Variants in TMEM132D observed in about 807,000 individuals in gnomAD.
The protein encoded by TMEM132D is transmembrane protein 132D.
A neutral mutation model predicts 62.3 loss-of-function variants in TMEM132D; 21 were observed. The observed-to-expected ratio is 0.34, with a 90% CI of 0.24 to 0.49. The LOEUF is 0.49. Among genes scored for constraint, TMEM132D ranks in the 20% least tolerant of loss-of-function variants. The pLI is 0.99. For missense variants in TMEM132D, 1,346 were observed against 1,402.8 expected (o/e 0.96, Z 0.65); for synonymous variants, 621 against 575.6 (o/e 1.08, Z -1.13).
intron 3 of TMEM132D, among the ~76,000 whole-genome samples, chr12:129,456,784 T>A (rs12310811): frequency 0.17 from 26,146 of 152,198 alleles, 2,287 homozygotes; most frequent in Middle Eastern, 0.24. Context: ...ATCTCTCGGG[T>A]TCCTGGTTTT....
rs73420199 is a variant in TMEM132D at position 129,276,240 on chromosome 12, T to C, written c.1299+61394A>G. ...TTCTTCCACGTGGAATTTCTCTTCG[T>C]ATTATTACCCAAAGATAAAACGCTT... On this transcript the variant is annotated intron_variant, in intron 4 of 8. Coordinates refer to ENST00000422113, the MANE Select transcript of TMEM132D (RefSeq NM_133448.3). Among the ~76,000 whole-genome samples, 836 of 152,318 alleles carry C rather than the reference T, an allele frequency of 5.5e-3. 18 individuals carry two copies. The highest frequency in any genetic ancestry group is 0.018 in the African/African-American group (764 of 41,578).
At chr12:129,677,664 T>A (rs961349116) in intron 2 of TMEM132D, among the ~76,000 whole-genome samples, 1 of 152,098 alleles carries the variant, frequency 6.6e-6, no homozygotes. Context: ...AGAAATTCCA[T>A]ATCATATATG....
In TMEM132D at chr12:129,251,357, CAAAAAAAAAAAAAAA is replaced by C. The variant is rs59666716; in HGVS notation, c.1300-41709_1300-41695del. Among the ~76,000 whole-genome samples the C allele has an allele frequency of 1.9e-4, 15 of 79,782 alleles. No homozygotes were observed. In the East Asian group the frequency reaches 4.9e-3, roughly 26 times the overall value. 52.3% of individuals were successfully genotyped at this position (79,782 alleles called of 152,430 possible). ...CTGGCGACAGAGTGAGACACTGTCT[CAAAAAAAAAAAAAAA>C]AAAAAAAAAAAGAAGAGAGAAAAGG... On this transcript the variant is annotated intron_variant, in intron 4 of 8. Transcript: ENST00000422113.
At chr12:129,437,972 G>A (rs888651154) in intron 3 of TMEM132D, among the ~76,000 whole-genome samples, 2 of 144,910 alleles carry the variant, frequency 1.4e-5, no homozygotes, top group Non-Finnish European at 3.0e-5. Flanking sequence ...TCCCACTTAC[G>A]AGCAAGAATA....
chr12:129,769,023 G>A (rs1218460289), intron 1 of TMEM132D, among the ~76,000 whole-genome samples: 1 of 152,152 alleles, frequency 6.6e-6, no homozygotes, highest in Non-Finnish European at 1.5e-5. Flanking sequence ...ATTGGTGCAT[G>A]TAGGCCAGCC....
chr12:129,457,799 C>T (rs1165539806), intron 3 of TMEM132D, among the ~76,000 whole-genome samples: 6 of 152,120 alleles, frequency 3.9e-5, no homozygotes, highest in Non-Finnish European at 7.4e-5. Flanking sequence ...TGAGAACTCA[C>T]TCACTATCAT....
chr12:129,674,934 G>A (rs977099332), intron 2 of TMEM132D, among the ~76,000 whole-genome samples: 1 of 152,134 alleles, frequency 6.6e-6, no homozygotes, highest in African/African-American at 2.4e-5. Flanking sequence ...AGATTTTTCT[G>A]TTAAATTCTG....
intron 4 of TMEM132D, among the ~76,000 whole-genome samples, chr12:129,243,881 G>A (rs954650844): frequency 9.2e-5 from 14 of 152,000 alleles, no homozygotes; most frequent in African/African-American, 2.9e-4. Flanking sequence ...GCTACATCTT[G>A]GCATTTTAAT....
chr12:129,097,636 AC>A (rs1362566973), intron 5 of TMEM132D, among the ~76,000 whole-genome samples: 5 of 152,154 alleles, frequency 3.3e-5, no homozygotes, highest in Non-Finnish European at 5.9e-5. Context: ...TATGGGGGAA[AC>A]TCATGGAGAA....
intron 2 of TMEM132D, among the ~76,000 whole-genome samples, chr12:129,553,410 A>T (rs2137107552): frequency 6.6e-6 from 1 of 152,300 alleles, no homozygotes; most frequent in Non-Finnish European, 1.5e-5. Context: ...TTACCCCATG[A>T]TAGGCACTCT....
chr12:129,300,241 A>G (rs1375905250), intron 4 of TMEM132D, among the ~76,000 whole-genome samples: 1 of 152,188 alleles, frequency 6.6e-6, no homozygotes, highest in African/African-American at 2.4e-5. Context: ...ACCAACACTC[A>G]GAGAAGTGAT....
chr12:129,461,101 G>A lies in TMEM132D; in HGVS notation c.1115+69958C>T, dbSNP rs1873652656. 2.6e-5 allele frequency among the ~76,000 whole-genome samples: 4 copies of A among 152,226 alleles called. No individual in the cohort carries two copies. The South Asian group carries it at 8.3e-4, about 31-fold the overall frequency. ...TTTTAATGCTACTCTGCTGATAAGG[G>A]TTGAGGGTGGTGGGGACCACAGTCA... On this transcript the variant is annotated intron_variant, in intron 3 of 8. Transcript: ENST00000422113.
At chr12:129,861,580 G>T (rs1251482761) in intron 1 of TMEM132D, among the ~76,000 whole-genome samples, 2 of 152,014 alleles carry the variant, frequency 1.3e-5, no homozygotes, top group African/African-American at 4.8e-5. Flanking sequence ...GGCCAACATG[G>T]CGAAACCCCA....
intron 5 of TMEM132D, among the ~76,000 whole-genome samples, chr12:129,198,996 G>A (rs1322801978): frequency 2.6e-5 from 4 of 151,786 alleles, no homozygotes; most frequent in African/African-American, 9.7e-5. Context: ...TCATGGGGTT[G>A]CTGTGAGGAT....
At chr12:129,585,802 G>A (rs1878009613) in intron 2 of TMEM132D, among the ~76,000 whole-genome samples, 1 of 144,988 alleles carries the variant, frequency 6.9e-6, no homozygotes. Context: ...AAATACCAAT[G>A]AGATATGCAT....
chr12:129,555,483 G>C (rs919838524), intron 2 of TMEM132D, among the ~76,000 whole-genome samples: 2 of 152,162 alleles, frequency 1.3e-5, no homozygotes, highest in African/African-American at 2.4e-5. Context: ...AAAATAGCTA[G>C]GGAAGCAACC....
At chr12:129,629,311 G>T (rs1879298555) in intron 2 of TMEM132D, among the ~76,000 whole-genome samples, 2 of 152,232 alleles carry the variant, frequency 1.3e-5, no homozygotes, top group Admixed American at 6.5e-5. Context: ...CTCCCTGGTG[G>T]CACTTTCCAG....
At chr12:129,601,596 T>A (rs1878483954) in intron 2 of TMEM132D, among the ~76,000 whole-genome samples, 1 of 152,196 alleles carries the variant, frequency 6.6e-6, no homozygotes, top group Non-Finnish European at 1.5e-5. Context: ...CTTGAGCACT[T>A]AGAGACCATT....
chr12:129,767,997 A>G (rs1420593457), intron 1 of TMEM132D, among the ~76,000 whole-genome samples: 1 of 152,040 alleles, frequency 6.6e-6, no homozygotes, highest in East Asian at 1.9e-4. Flanking sequence ...TAAAAGCATC[A>G]GATCTTGTAA....
Sources: allele counts gnomAD v4.1 joint callset (sites outside exome capture counted in the v4.1 genomes callset), GRCh38; gene constraint gnomAD v4.1.1; transcripts MANE v1.5; gene names NCBI Gene and HGNC (gene_info 2026-07-23, HGNC 2026-07-21).